The following MME variants were observed in gnomAD, a reference collection of about 807,000 sequenced individuals.
MME encodes the protein membrane metalloendopeptidase.
MME carries 98 observed loss-of-function variants against 113.2 expected under a neutral mutation model. That is an observed-to-expected ratio of 0.87 (90% CI 0.74 to 1.02). The LOEUF (loss-of-function observed/expected upper bound fraction) is 1.02. MME is among the 50% of genes least tolerant of loss of function. The probability of loss-of-function intolerance (pLI) is 0.00; values close to 1 mark genes in which losing one functional copy is unlikely to be tolerated. For synonymous variants in MME, 292 were observed against 300.6 expected (o/e 0.97, Z 0.30); for missense variants, 836 against 896.0 (o/e 0.93, Z 0.86).
chr3:155,030,821 T>C (rs1042764532), intron 1 of MME, among the ~76,000 whole-genome samples: 5 of 152,186 alleles, frequency 3.3e-5, no homozygotes, highest in African/African-American at 1.2e-4. Flanking sequence ...TGCCTATGCA[T>C]GAAGGTCCAA....
upstream of MME, among the ~76,000 whole-genome samples, chr3:155,078,571 C>T (rs1836914): frequency 0.98 from 149,750 of 152,166 alleles, 73,698 homozygotes; most frequent in East Asian, 1. Flanking sequence ...TCTCAAGCAG[C>T]AAATCATTTT....
At chr3:155,111,782 G>C (rs768645886) in intron 3 of MME, among the ~76,000 whole-genome samples, 4 of 152,118 alleles carry the variant, frequency 2.6e-5, no homozygotes, top group African/African-American at 9.7e-5. Context: ...CCCAGAAAGA[G>C]GAAGAAAACA....
intron 3 of MME, among the ~76,000 whole-genome samples, chr3:155,111,844 T>C (rs937704392): frequency 3.3e-5 from 5 of 152,336 alleles, no homozygotes; most frequent in African/African-American, 9.6e-5. Context: ...TTTAAATGTT[T>C]TTAAGTATCT....
At chr3:155,104,284 C>T (rs1284725745) in intron 3 of MME, among the ~76,000 whole-genome samples, 1 of 151,822 alleles carries the variant, frequency 6.6e-6, no homozygotes, top group Admixed American at 6.6e-5. Flanking sequence ...TGGAGAAAGC[C>T]AATGATTTAA....
intron 1 of MME, among the ~76,000 whole-genome samples, chr3:155,058,079 G>T (rs557247144): frequency 2.4e-4 from 37 of 151,906 alleles, no homozygotes; most frequent in African/African-American, 8.9e-4. Context: ...CCAGTAGAGA[G>T]TCTACACAAA....
chr3:155,102,613 C>A (rs889085844), intron 3 of MME, among the ~76,000 whole-genome samples: 1 of 152,156 alleles, frequency 6.6e-6, no homozygotes, highest in African/African-American at 2.4e-5. Flanking sequence ...TGATTTAGAA[C>A]TTTGCGACCA....
At chr3:155,027,852 A>T (rs1277474644) in intron 1 of MME, among the ~76,000 whole-genome samples, 5 of 152,234 alleles carry the variant, frequency 3.3e-5, no homozygotes, top group African/African-American at 1.2e-4. Flanking sequence ...CTAAGCACAT[A>T]ATAGATACTC....
At chr3:155,063,032 CAAAAAAA>C (rs772216166) in intron 1 of MME, among the ~76,000 whole-genome samples, 4 of 61,830 alleles carry the variant, frequency 6.5e-5, no homozygotes, top group African/African-American at 1.6e-4. Context: ...GACTCCATCT[CAAAAAAA>C]AAAAAAAAAA....
rs534567961 is a variant in MME, at chr3:155,137,684, C to T, written c.721-418C>T. ...CAGCACCACTGCACTCCAGCCCAGGCGACAGTGTGAGACTCTGTCTCAATG... is the reference window on the plus strand; with the variant it reads ...CAGCACCACTGCACTCCAGCCCAGGTGACAGTGTGAGACTCTGTCTCAATG... On this transcript the variant is annotated intron_variant, in intron 8 of 22. Transcript: ENST00000360490. 5.0e-4 allele frequency among the ~76,000 whole-genome samples: 76 copies of T among 151,600 alleles called. 1 individual carries two copies. The highest frequency in any genetic ancestry group is 5.8e-4 in the East Asian group (3 of 5,170).
chr3:155,136,269 G>T (rs893879168), intron 8 of MME, among the ~76,000 whole-genome samples: 2 of 152,068 alleles, frequency 1.3e-5, no homozygotes, highest in Non-Finnish European at 2.9e-5. Flanking sequence ...GTATGATGTT[G>T]GCTGTGGGTT....
chr3:155,104,065 T>TA (rs1717484166), intron 3 of MME, among the ~76,000 whole-genome samples: 1 of 152,208 alleles, frequency 6.6e-6, no homozygotes, highest in Admixed American at 6.5e-5. Context: ...TAGATATAGT[T>TA]ACCATCTAGG....
At chr3:155,065,473 TC>T (rs138346094) in intron 1 of MME, among the ~76,000 whole-genome samples, 1 of 152,018 alleles carries the variant, frequency 6.6e-6, no homozygotes, top group Non-Finnish European at 1.5e-5. Context: ...TGGAGACACC[TC>T]CCCCAGCACG....
Position 155,093,846 on chromosome 3 carries a change from ACT to A in MME, c.196+8755_196+8756del, listed in dbSNP as rs554368117. On this transcript the variant is annotated intron_variant, in intron 3 of 22. Transcript: ENST00000360490. ...ACTCCAGCCTGGGCGACAGAGTGAG[ACT>A]CTGTCTAAAAAAAAAAAAAAAAGAT... Among the ~76,000 whole-genome samples the A allele has an allele frequency of 1.7e-4, 24 of 145,072 alleles. No individual in the cohort carries two copies. The South Asian group carries it at 5.6e-3, about 34-fold the overall frequency.
chr3:155,074,439 C>CT lies in MME; in HGVS notation c.-10-9709dup, dbSNP rs969320401. Among the ~76,000 whole-genome samples the CT allele has an allele frequency of 5.2e-4, 77 of 148,098 alleles. No homozygotes were observed. In the Middle Eastern group the frequency reaches 0.014, roughly 27 times the overall value. On this transcript the variant is annotated intron_variant, in intron 1 of 22. Coordinates refer to the MME transcript ENST00000492661. The stretch of plus-strand genomic sequence containing the variant: ...GTGTGTGTGTTTCCTTTCTTTCTTT[C>CT]TTTTTTTTTTGAGACAGAGTCTCAC...
chr3:155,050,222 T>C (rs533997709), intron 1 of MME, among the ~76,000 whole-genome samples: 2 of 152,356 alleles, frequency 1.3e-5, no homozygotes, highest in South Asian at 4.1e-4. Flanking sequence ...ATTTTCTTTA[T>C]TGAGTCTACC....
At chr3:155,088,338 C>T (rs1715954780) in intron 3 of MME, among the ~76,000 whole-genome samples, 1 of 151,898 alleles carries the variant, frequency 6.6e-6, no homozygotes, top group South Asian at 2.1e-4. Context: ...TGGACAAAAG[C>T]AAGTATTAAA....
chr3:155,040,080 T>C (rs1037362223), intron 1 of MME, among the ~76,000 whole-genome samples: 1 of 151,802 alleles, frequency 6.6e-6, no homozygotes, highest in Non-Finnish European at 1.5e-5. Context: ...ACAAACAAAG[T>C]GGGTTTTTTC....
At chr3:155,036,988 T>C (rs933228046) in intron 1 of MME, among the ~76,000 whole-genome samples, 6 of 152,206 alleles carry the variant, frequency 3.9e-5, no homozygotes, top group Non-Finnish European at 8.8e-5. Flanking sequence ...TAATTTACTT[T>C]CCCCATTGAA....
At chr3:155,117,086 T>C (rs545806589) in intron 7 of MME, 100 bp downstream of exon 7, 1 of 774,298 alleles carries the variant, frequency 1.3e-6, no homozygotes, top group Non-Finnish European at 2.3e-6. Flanking sequence ...CTATTTTCAA[T>C]TGAATTGAAT....
Sources: gnomAD v4.1 joint callset for allele counts (sites outside exome capture counted in the v4.1 genomes callset) on GRCh38, gnomAD v4.1.1 for gene constraint, MANE v1.5 for transcripts, NCBI Gene and HGNC (gene_info 2026-07-23, HGNC 2026-07-21) for gene names.